Variants in BNC2 observed in about 807,000 individuals in gnomAD.
BNC2 encodes the protein zinc finger protein basonuclin-2.
A neutral mutation model predicts 76.3 loss-of-function variants in BNC2; 20 were observed. The ratio of observed to expected loss-of-function variants is 0.26; its 90% CI spans 0.18 to 0.38. The LOEUF (loss-of-function observed/expected upper bound fraction) is 0.38. BNC2 is among the 10% of genes least tolerant of loss of function. The pLI, the probability that BNC2 is intolerant of heterozygous loss-of-function variation, is 1.00. For synonymous variants in BNC2, 582 were observed against 514.8 expected (o/e 1.13, Z -1.77); for missense variants, 1,382 against 1,399.8 (o/e 0.99, Z 0.20).
At chr9:16,733,935 C>T (rs1434098931) in intron 2 of BNC2, among the ~76,000 whole-genome samples, 2 of 152,208 alleles carry the variant, frequency 1.3e-5, no homozygotes, top group African/African-American at 2.4e-5. Context: ...CCTGCACTCT[C>T]CCACTGGCTC....
intron 6 of BNC2, among the ~76,000 whole-genome samples, chr9:16,432,504 C>T (rs1017874502): frequency 1.3e-5 from 2 of 152,134 alleles, no homozygotes. Context: ...TGGGAGAAGC[C>T]CAGGCAGACC....
intron 1 of BNC2, among the ~76,000 whole-genome samples, chr9:16,797,665 T>C (rs1040425041): frequency 2.6e-5 from 4 of 152,088 alleles, no homozygotes; most frequent in Admixed American, 2.6e-4. Context: ...CAAGATGAGA[T>C]TGAGTCTGTC....
intron 5 of BNC2, among the ~76,000 whole-genome samples, chr9:16,503,468 A>C (rs1291941919): frequency 6.6e-6 from 1 of 152,132 alleles, no homozygotes; most frequent in Non-Finnish European, 1.5e-5. Flanking sequence ...TCAAAAATAC[A>C]AAATACATGG....
intron 3 of BNC2, among the ~76,000 whole-genome samples, chr9:16,606,333 A>C (rs574348272): frequency 8.5e-5 from 13 of 152,260 alleles, no homozygotes; most frequent in African/African-American, 2.4e-4. Context: ...TAGAGGGGAG[A>C]AATATATAGG....
Position 16,660,318 on chromosome 9 carries a change from G to T in BNC2, c.330+67479C>A, listed in dbSNP as rs112331259. ...AAAAATACAAAATTAACCAGGCGTG[G>T]TGGCACACGCCTGTAATCCCAGCTA... On this transcript the variant is annotated intron_variant, in intron 3 of 6. Transcript: ENST00000380672. Among the ~76,000 whole-genome samples, 716 of 152,280 alleles carry T rather than the reference G, an allele frequency of 4.7e-3. 3 individuals are homozygous for T. Among genetic ancestry groups the T allele is most frequent in the African/African-American group, 0.015 (635 of 41,558 alleles).
intron 3 of BNC2, among the ~76,000 whole-genome samples, chr9:16,712,547 AGACAACT>A (rs928787553): frequency 5.9e-5 from 9 of 152,346 alleles, no homozygotes; most frequent in African/African-American, 2.2e-4. Flanking sequence ...GATTAGTTTC[AGACAACT>A]GAAACACTAA....
intron 1 of BNC2, among the ~76,000 whole-genome samples, chr9:16,757,408 AAGACAG>A (rs955995802): frequency 2.3e-4 from 35 of 152,186 alleles, no homozygotes; most frequent in African/African-American, 8.0e-4. Flanking sequence ...CCAGCTTATC[AAGACAG>A]AGATAAACTC....
intron 3 of BNC2, among the ~76,000 whole-genome samples, chr9:16,630,068 G>A (rs1209704850): frequency 6.6e-6 from 1 of 152,192 alleles, no homozygotes; most frequent in East Asian, 1.9e-4. Flanking sequence ...GCTTCAATTT[G>A]TAAAAGAAAT....
intron 3 of BNC2, among the ~76,000 whole-genome samples, chr9:16,659,573 A>C (rs1211621151): frequency 1.4e-5 from 2 of 144,558 alleles, no homozygotes; most frequent in Admixed American, 1.5e-4. Flanking sequence ...GCACCACTGC[A>C]CTCCAGCCCG....
intron 1 of BNC2, among the ~76,000 whole-genome samples, chr9:16,797,883 C>G (rs1817696179): frequency 6.6e-6 from 1 of 152,094 alleles, no homozygotes; most frequent in East Asian, 1.9e-4. Context: ...AGACTGCCTT[C>G]AGAAGGAAAG....
intron 4 of BNC2, among the ~76,000 whole-genome samples, chr9:16,561,863 G>C (rs572488189): frequency 6.6e-6 from 1 of 152,086 alleles, no homozygotes; most frequent in East Asian, 1.9e-4. Context: ...AATTAGCTGA[G>C]CATGGTGGCA....
intron 1 of BNC2, among the ~76,000 whole-genome samples, chr9:16,763,837 G>A (rs560625263): frequency 5.9e-4 from 90 of 152,202 alleles, no homozygotes; most frequent in African/African-American, 2.1e-3. Context: ...ACAAAGGGTG[G>A]CAACATCATC....
In BNC2 at chr9:16,412,437, T is replaced by C. The variant is rs1028054556; in HGVS notation, c.*6552A>G. ...TACAGATTAGGGGGCAATATAATCT[T>C]ACTTATGCCACTGACTTGCAGGAAA... is the stretch of plus-strand genomic sequence containing the variant. On this transcript the variant is annotated 3_prime_UTR_variant, in exon 7 of 7. Transcript: ENST00000380672. The C allele has an allele frequency of 6.6e-6, 1 of 152,466 alleles. No homozygotes were observed. Among genetic ancestry groups the C allele is most frequent in the Non-Finnish European group, 1.5e-5 (1 of 68,032 alleles). 9.4% of individuals were successfully genotyped at this position (152,466 alleles called of 1,614,324 possible). A position where few individuals can be genotyped will look rare whatever the true frequency, so the allele number is the denominator to read the frequency against.
chr9:16,840,765 G>C (rs1324072476), intron 1 of BNC2, among the ~76,000 whole-genome samples: 2 of 152,148 alleles, frequency 1.3e-5, no homozygotes, highest in African/African-American at 4.8e-5. Flanking sequence ...TTCAATCATA[G>C]TTATTTCAGC....
intron 1 of BNC2, among the ~76,000 whole-genome samples, chr9:16,813,326 T>C (rs903636572): frequency 3.0e-4 from 45 of 151,330 alleles, no homozygotes; most frequent in Admixed American, 1.1e-3. Context: ...AGTGCAGTGG[T>C]GCGATCTCGG....
chr9:16,509,495 G>A (rs1021644142), intron 5 of BNC2, among the ~76,000 whole-genome samples: 21 of 152,180 alleles, frequency 1.4e-4, no homozygotes, highest in Non-Finnish European at 1.9e-4. Flanking sequence ...TCCATACCAC[G>A]TCACAAGGTT....
chr9:16,453,603 A>G (rs1821386898), intron 5 of BNC2, among the ~76,000 whole-genome samples: 1 of 152,152 alleles, frequency 6.6e-6, no homozygotes, highest in Admixed American at 6.5e-5. Flanking sequence ...TCTGGTGTCA[A>G]GGTGCTTTTT....
At chr9:16,652,363 T>C (rs1397472439) in intron 3 of BNC2, among the ~76,000 whole-genome samples, 1 of 152,172 alleles carries the variant, frequency 6.6e-6, no homozygotes, top group Non-Finnish European at 1.5e-5. Flanking sequence ...TTTTTAACCA[T>C]TGGGTTTTCT....
intron 3 of BNC2, among the ~76,000 whole-genome samples, chr9:16,651,445 C>G (rs773240247): frequency 6.6e-6 from 1 of 152,074 alleles, no homozygotes; most frequent in Non-Finnish European, 1.5e-5. Flanking sequence ...ATTCATATTA[C>G]AAGATTTTGT....
Sources: allele counts gnomAD v4.1 joint callset (sites outside exome capture counted in the v4.1 genomes callset), GRCh38; gene constraint gnomAD v4.1.1; transcripts MANE v1.5; gene names NCBI Gene and HGNC (gene_info 2026-07-23, HGNC 2026-07-21).